LAMC2: variants seen among roughly 807,000 people sequenced by gnomAD.
LAMC2 encodes the protein laminin subunit gamma-2.
Under a neutral mutation model 140.2 loss-of-function variants are expected in LAMC2, and 97 were observed. That is an observed-to-expected ratio of 0.69 (90% CI 0.59 to 0.82). The LOEUF (loss-of-function observed/expected upper bound fraction) is 0.82, where lower values mean the gene tolerates loss of function less well. Among genes scored for constraint, LAMC2 ranks in the 40% least tolerant of loss-of-function variants. The pLI is 0.00. For missense variants in LAMC2, 1,402 were observed against 1,476.1 expected (o/e 0.95, Z 0.82); for synonymous variants, 513 against 540.2 (o/e 0.95, Z 0.70).
intron 2 of LAMC2, among the ~76,000 whole-genome samples, chr1:183,208,774 G>A (rs1658980899): frequency 1.3e-5 from 2 of 152,062 alleles, no homozygotes; most frequent in South Asian, 4.2e-4. Flanking sequence ...CCGCCTCCTA[G>A]GTTCAAGCGA....
intron 19 of LAMC2, among the ~76,000 whole-genome samples, chr1:183,239,126 C>G (rs1043004957): frequency 6.6e-6 from 1 of 152,340 alleles, no homozygotes; most frequent in Non-Finnish European, 1.5e-5. Context: ...TTTCAATACT[C>G]TTGCAGTGCT....
chr1:183,208,098 G>A (rs750931644), intron 2 of LAMC2, 29 bp downstream of exon 2: 4 of 1,582,734 alleles, frequency 2.5e-6, no homozygotes, highest in Non-Finnish European at 3.5e-6. Flanking sequence ...AAGAGGGAGA[G>A]GGAGATGGAG....
At chr1:183,250,778 A>G in the LAMC2 span, 2 of 152,670 alleles carry the variant, frequency 1.3e-5, no homozygotes, top group African/African-American at 4.8e-5. Flanking sequence ...TCCAAGAGGA[A>G]TAACAGACTT....
At chr1:183,211,104 T>C (rs572175349) in intron 2 of LAMC2, among the ~76,000 whole-genome samples, 1 of 152,308 alleles carries the variant, frequency 6.6e-6, no homozygotes, top group East Asian at 1.9e-4. Flanking sequence ...AACCCCAGAG[T>C]AGTCACCAAT....
At chr1:183,251,910 C>T in the LAMC2 span, 129 of 157,766 alleles carry the variant, frequency 8.2e-4, no homozygotes, top group Admixed American at 2.6e-3. Flanking sequence ...TATGTGCGTG[C>T]GCGGGTGCAC....
At chr1:183,200,228 T>C (rs1658662760) in intron 1 of LAMC2, among the ~76,000 whole-genome samples, 1 of 151,846 alleles carries the variant, frequency 6.6e-6, no homozygotes, top group Admixed American at 6.6e-5. Flanking sequence ...CTATCTCTAA[T>C]AAACATACAA....
chr1:183,203,216 G>A (rs1658776780), intron 1 of LAMC2, among the ~76,000 whole-genome samples: 1 of 152,134 alleles, frequency 6.6e-6, no homozygotes. Flanking sequence ...ACTACAACAG[G>A]CATCAATTGC....
intron 22 of LAMC2, 61 bp downstream of exon 22, chr1:183,240,452 A>G: frequency 6.2e-7 from 1 of 1,603,982 alleles, no homozygotes; most frequent in Non-Finnish European, 8.5e-7. Flanking sequence ...GCTCCAGAAC[A>G]CTCACTATAC....
the LAMC2 span, among the ~76,000 whole-genome samples, chr1:183,253,746 CTCTA>C: frequency 5.3e-5 from 8 of 152,254 alleles, no homozygotes; most frequent in East Asian, 5.8e-4. Flanking sequence ...TTGTTTTATT[CTCTA>C]TCTGTGTATT....
chr1:183,220,969 C>T lies in LAMC2; in HGVS notation c.640+8C>T, dbSNP rs1172322985. ...CCTCTACCTTTCATCAAGGTAAAGC[C>T]TTCTATTTTCTAGGTTTTAGTTTTT... On this transcript the variant is annotated splice_region_variant and intron_variant, in intron 5 of 22. Coordinates refer to ENST00000264144, the MANE Select transcript of LAMC2 (RefSeq NM_005562.3). 1.9e-6 allele frequency: 3 copies of T among 1,613,776 alleles called. No individual in the cohort carries two copies. Among genetic ancestry groups the T allele is most frequent in the South Asian group, 1.1e-5 (1 of 91,064 alleles).
chr1:183,228,502 C>T lies in LAMC2; in HGVS notation c.1597C>T (p.Arg533Trp), dbSNP rs1029109781. Residue 533 changes from arginine (R) to tryptophan (W), a missense_variant, in exon 11 of 23, where the codon CGG (arginine) becomes TGG (tryptophan). This residue lies in a region of LAMC2 where 723 missense variants were observed against 783.3 expected (regional missense o/e 0.92). Coordinates refer to ENST00000264144, the MANE Select transcript of LAMC2 (RefSeq NM_005562.3). This position sits in a 1 kb window ranked among gnomAD's most constrained non-coding sequence, Gnocchi z 4.3. ...VDPSASGNCDRLTGRCLKCIH... is the reference protein window; with the variant it reads ...VDPSASGNCDWLTGRCLKCIH... ...CCCCAGTGCCTCTGGGAATTGTGACCGGCTGACAGGCAGGTGTTTGAAGTG... is the reference window on the plus strand; with the variant it reads ...CCCCAGTGCCTCTGGGAATTGTGACTGGCTGACAGGCAGGTGTTTGAAGTG... 1.2e-5 allele frequency: 20 copies of T among 1,613,710 alleles called. No individual in the cohort carries two copies. The highest frequency in any genetic ancestry group is 1.7e-5 in the Admixed American group (1 of 59,972).
chr1:183,236,447 C>T lies in LAMC2; in HGVS notation c.2457-13C>T. The stretch of plus-strand genomic sequence containing the variant: ...TCTTTTTATTACCGCCCCCTCCCCA[C>T]CCCCAACACCAGATTGGAGAAAACC... On this transcript the variant is annotated splice_polypyrimidine_tract_variant and intron_variant, in intron 16 of 22. Transcript: ENST00000264144. 3 of 1,612,748 alleles carry T rather than the reference C, an allele frequency of 1.9e-6. No homozygotes were observed. Among genetic ancestry groups the T allele is most frequent in the South Asian group, 1.1e-5 (1 of 91,042 alleles).
At chr1:183,235,484 C>A in intron 15 of LAMC2, 91 bp from the exon 16 acceptor site, 2 of 1,395,344 alleles carry the variant, frequency 1.4e-6, no homozygotes, top group Non-Finnish European at 1.0e-6. Context: ...ATCAGACCAG[C>A]TCCCGTACTC....
chr1:183,190,751 ATAT>A (rs1351666658), intron 1 of LAMC2, among the ~76,000 whole-genome samples: 1 of 152,230 alleles, frequency 6.6e-6, no homozygotes, highest in African/African-American at 2.4e-5. Flanking sequence ...AATTGATAAA[ATAT>A]TATACTTAGA....
intron 2 of LAMC2, among the ~76,000 whole-genome samples, chr1:183,211,125 A>G (rs16860537): frequency 0.033 from 5,077 of 152,340 alleles, 122 homozygotes; most frequent in South Asian, 0.096. Context: ...TTTGGACTTT[A>G]TATCGATTTC....
In LAMC2 at chr1:183,243,603, A is replaced by G; in HGVS notation, c.*203A>G. The G allele has an allele frequency of 1.6e-6, 1 of 630,362 alleles. No individual in the cohort carries two copies. The highest frequency in any genetic ancestry group is 2.8e-6 in the Non-Finnish European group (1 of 353,804). 39.0% of individuals were successfully genotyped at this position (630,362 alleles called of 1,614,324 possible). On this transcript the variant is annotated 3_prime_UTR_variant, in exon 23 of 23. Coordinates refer to ENST00000264144, the MANE Select transcript of LAMC2 (RefSeq NM_005562.3). ...ACTCCTTGCTTCCTGATGCTGGGCA[A>G]TGAGGCAGATAGCACTGGGTGTGAG...
chr1:183,232,766 G>T lies in LAMC2; in HGVS notation c.2129G>T (p.Ser710Ile), dbSNP rs769821807. The T allele has an allele frequency of 6.2e-7, 1 of 1,614,092 alleles. No individual in the cohort carries two copies. The highest frequency in any genetic ancestry group is 8.5e-7 in the Non-Finnish European group (1 of 1,179,976). Residue 710 changes from serine to isoleucine, a missense_variant, in exon 14 of 23, where the codon AGT becomes ATT. By Grantham distance (142) the Ser-to-Ile change is moderately radical. Around this residue, in one of 3 missense-constraint regions of LAMC2, gnomAD observed 670 missense variants for 667.2 expected, o/e 1.00. Transcript: ENST00000264144. ...GTGGAAAGAGTTCGGGCTCTGGGAA[G>T]TCAGTACCAGAACCGAGTTCGGGAT... ...MTVERVRALG[S>I]QYQNRVRDTH...
intron 1 of LAMC2, among the ~76,000 whole-genome samples, chr1:183,187,502 C>CAAAAAAAAAAAA: frequency 7.9e-6 from 1 of 126,224 alleles, no homozygotes; most frequent in Non-Finnish European, 1.7e-5. Flanking sequence ...TGATTGCCAC[C>CAAAAAAAAAAAA]AAAAAAAAAA....
At chr1:183,237,979 C>T (rs1353127061) in intron 18 of LAMC2, among the ~76,000 whole-genome samples, 2 of 152,096 alleles carry the variant, frequency 1.3e-5, no homozygotes, top group African/African-American at 2.4e-5. Context: ...GTCGGTCAGC[C>T]CTCAAACCTA....
Sources: allele counts gnomAD v4.1 joint callset (sites outside exome capture counted in the v4.1 genomes callset), GRCh38; gene constraint gnomAD v4.1.1; regional missense constraint gnomAD v4.1.1; non-coding constraint Gnocchi (gnomAD v3.1); transcripts MANE v1.5; gene names NCBI Gene and HGNC (gene_info 2026-07-23, HGNC 2026-07-21).